The following COL17A1 variants were observed in gnomAD, a reference collection of about 807,000 sequenced individuals.
The protein encoded by COL17A1 is collagen alpha-1(XVII) chain.
COL17A1 carries 181 observed loss-of-function variants against 218.4 expected under a neutral mutation model. That is an observed-to-expected ratio of 0.83 (90% confidence interval 0.73 to 0.94). The LOEUF (loss-of-function observed/expected upper bound fraction) is 0.94. COL17A1 is among the 40% of genes least tolerant of loss of function. COL17A1 has a pLI of 0.00. For synonymous variants in COL17A1, 721 were observed against 731.0 expected (o/e 0.99, Z 0.22); for missense variants, 1,924 against 1,945.9 (o/e 0.99, Z 0.21).
chr10:104,032,477 G>A (rs573954446), intron 55 of COL17A1, among the ~76,000 whole-genome samples, 187 bp from the exon 56 acceptor site: 1 of 152,328 alleles, frequency 6.6e-6, no homozygotes, highest in African/African-American at 2.4e-5. Context: ...TTTCCTCCCT[G>A]CTTTGACACT....
At position 104,062,245 on chromosome 10, in the gene COL17A1, C is replaced by G. The variant is rs377055203; in HGVS notation, c.910+13G>C. 76 of 1,614,228 alleles carry G rather than the reference C, an allele frequency of 4.7e-5. No homozygotes were observed. In the African/African-American group the frequency reaches 8.9e-4, roughly 19 times the overall value. Reference sequence around the variant, plus strand: ...ACTTTCCAGCGCCTAAGCTCCAACCCTAGCCTACTGACCTGTGGAAGTGGT... The same window carrying G: ...ACTTTCCAGCGCCTAAGCTCCAACCGTAGCCTACTGACCTGTGGAAGTGGT... On this transcript the variant is annotated intron_variant, in intron 12 of 55. Coordinates refer to ENST00000648076, the MANE Select transcript of COL17A1 (RefSeq NM_000494.4).
intron 18 of COL17A1, 118 bp downstream of exon 18, chr10:104,055,664 G>C: frequency 7.1e-7 from 1 of 1,400,458 alleles, no homozygotes; most frequent in Non-Finnish European, 9.8e-7. Context: ...GATCAGGGGA[G>C]GAGAGAGGCC....
At position 104,032,204 on chromosome 10, in the gene COL17A1, C is replaced by G; in HGVS notation, c.*31G>C. 5 of 1,598,094 alleles carry G rather than the reference C, an allele frequency of 3.1e-6. No individual in the cohort carries two copies. The highest frequency in any genetic ancestry group is 4.3e-6 in the Non-Finnish European group (5 of 1,165,496). On this transcript the variant is annotated 3_prime_UTR_variant, in exon 56 of 56. Coordinates refer to ENST00000648076, the MANE Select transcript of COL17A1 (RefSeq NM_000494.4). ...CTAAGTGCCACATGCATTATGAGAC[C>G]TGGTCCAGGAGCTGTCCTGCCATGG...
rs200814114 is a variant in COL17A1 at position 104,055,770 on chromosome 10, C to A, written c.1687+12G>T. ...TCAGGGGAGCTGGCCCTGTGCCCGG[C>A]GATGCTCTCACCATTTTCCTGTTCC... On this transcript the variant is annotated intron_variant, in intron 18 of 55. Transcript: ENST00000648076. 74 of 1,613,624 alleles carry A rather than the reference C, an allele frequency of 4.6e-5. No homozygotes were observed. The highest frequency in any genetic ancestry group is 1.7e-4 in the Middle Eastern group (1 of 6,054).
Position 104,074,235 on chromosome 10 carries a change from G to T in COL17A1, c.332-4C>A. Reference sequence around the variant, plus strand: ...GAAGAGTTGCCACTGGAGCTCCCTGGAGAGGGGATGAAACACTTAGAACAA... The same window carrying T: ...GAAGAGTTGCCACTGGAGCTCCCTGTAGAGGGGATGAAACACTTAGAACAA... On this transcript the variant is annotated splice_region_variant and splice_polypyrimidine_tract_variant and intron_variant, in intron 5 of 55. Transcript: ENST00000648076. 1 of 1,614,198 alleles carries T rather than the reference G, an allele frequency of 6.2e-7. No homozygotes were observed. The highest frequency in any genetic ancestry group is 1.1e-5 in the South Asian group (1 of 91,080).
Position 104,063,666 on chromosome 10 carries a change from G to T in COL17A1, c.838+81C>A, listed in dbSNP as rs574771347. ...GAGCTGCAGTATGCATGGAAGAAAG[G>T]CCTTCATGCTCTTGGGTGAAGCATC... On this transcript the variant is annotated intron_variant, in intron 11 of 55. Transcript: ENST00000648076. The T allele has an allele frequency of 1.3e-4, 199 of 1,587,190 alleles. 4 individuals carry two copies. The South Asian group carries it at 2.1e-3, about 17-fold the overall frequency.
chr10:104,038,382 G>A (rs372126768), intron 45 of COL17A1, 24 bp downstream of exon 45: 6 of 1,613,238 alleles, frequency 3.7e-6, no homozygotes, highest in African/African-American at 1.3e-5. Flanking sequence ...TTGTCCCCAC[G>A]GCTTGCGGCG....
intron 8 of COL17A1, 152 bp from the exon 9 acceptor site, chr10:104,070,721 A>G (rs1415702909): frequency 2.6e-6 from 4 of 1,529,846 alleles, no homozygotes; most frequent in Non-Finnish European, 3.5e-6. Context: ...TATAATATTC[A>G]CATTTTACTA....
intron 35 of COL17A1, among the ~76,000 whole-genome samples, chr10:104,043,018 T>C (rs1204654323): frequency 6.6e-6 from 1 of 152,244 alleles, no homozygotes; most frequent in Non-Finnish European, 1.5e-5. Flanking sequence ...CTAACAACTT[T>C]GTTCAGAAGT....
At chr10:104,059,288 G>C (rs2086560117) in intron 15 of COL17A1, 1 of 333,146 alleles carries the variant, frequency 3.0e-6, no homozygotes, top group Non-Finnish European at 5.7e-6. Context: ...AGATATTTGG[G>C]AAGAAAAAAA....
chr10:104,049,022 G>A (rs1484736592), intron 29 of COL17A1, among the ~76,000 whole-genome samples: 1 of 152,088 alleles, frequency 6.6e-6, no homozygotes, highest in Middle Eastern at 3.2e-3. Context: ...TCTGCAGCCA[G>A]GCTGACAGGC....
chr10:104,081,592 GA>G (rs1158750030), intron 1 of COL17A1, among the ~76,000 whole-genome samples: 1 of 152,204 alleles, frequency 6.6e-6, no homozygotes, highest in Non-Finnish European at 1.5e-5. Context: ...GAAAGGACCT[GA>G]AATCTGACTT....
intron 6 of COL17A1, among the ~76,000 whole-genome samples, 169 bp from the exon 7 acceptor site, chr10:104,073,414 A>G (rs1477445983): frequency 1.3e-5 from 2 of 152,218 alleles, no homozygotes; most frequent in Admixed American, 6.5e-5. Flanking sequence ...TCACTTAGCA[A>G]CAGCAGAGAA....
intron 21 of COL17A1, 28 bp from the exon 22 acceptor site, chr10:104,054,010 CCT>C (rs1379449366): frequency 1.2e-6 from 2 of 1,612,358 alleles, no homozygotes; most frequent in Non-Finnish European, 1.7e-6. Flanking sequence ...TATCTCAGCC[CCT>C]GTTTTCCTCC....
intron 9 of COL17A1, 91 bp downstream of exon 9, chr10:104,070,335 A>C (rs1022254557): frequency 6.3e-7 from 1 of 1,582,268 alleles, no homozygotes; most frequent in Non-Finnish European, 8.6e-7. Context: ...TCTCACTTTC[A>C]CTGTTCTCTG....
chr10:104,053,115 G>A lies in COL17A1; in HGVS notation c.1855C>T (p.Pro619Ser). 6.2e-7 allele frequency: 1 copy of A among 1,613,506 alleles called. No homozygotes were observed. The highest frequency in any genetic ancestry group is 8.5e-7 in the Non-Finnish European group (1 of 1,180,010). ...GSVGDPGMEG[P>S]MGQRGREGPM... is the part of the protein sequence containing the mutation. ...CCTTCTCGCCCTCTCTGGCCCATGG[G>A]GCCTTCCATGCCAGGATCTCCTAAA... The change falls in exon 23 of 56, where the codon CCC becomes TCC. Residue 619 changes from proline (P) to serine (S), a missense_variant. Coordinates refer to ENST00000648076, the MANE Select transcript of COL17A1 (RefSeq NM_000494.4).
chr10:104,048,057 T>A lies in COL17A1; in HGVS notation c.2263+12A>T. 1 of 1,614,040 alleles carries A rather than the reference T, an allele frequency of 6.2e-7. No homozygotes were observed. The highest frequency in any genetic ancestry group is 2.2e-5 in the East Asian group (1 of 44,894). On this transcript the variant is annotated intron_variant, in intron 30 of 55. Transcript: ENST00000648076. ...CGGGAGTGAGGCTGGGGGCAGCAGA[T>A]GAGTGACCAACCTCTTGGGCCTTGG...
intron 32 of COL17A1, among the ~76,000 whole-genome samples, chr10:104,046,029 T>C (rs538368444): frequency 6.6e-6 from 1 of 152,354 alleles, no homozygotes; most frequent in South Asian, 2.1e-4. Context: ...CAGAGGCCTA[T>C]GGGCTCAGTT....
At chr10:104,049,495 G>T (rs1414839238) in intron 28 of COL17A1, 24 bp from the exon 29 acceptor site, 5 of 1,613,172 alleles carry the variant, frequency 3.1e-6, no homozygotes, top group Admixed American at 3.3e-5. Context: ...AGAACTAGCT[G>T]GTTGGACACT....
Sources: allele counts gnomAD v4.1 joint callset (sites outside exome capture counted in the v4.1 genomes callset), GRCh38; gene constraint gnomAD v4.1.1; transcripts MANE v1.5; gene names NCBI Gene and HGNC (gene_info 2026-07-23, HGNC 2026-07-21).